The following THSD7B variants were observed in gnomAD, a reference collection of about 807,000 sequenced individuals.
The protein encoded by THSD7B is thrombospondin type 1 domain containing 7B.
A neutral mutation model predicts 213.6 loss-of-function variants in THSD7B; 138 were observed. That is an observed-to-expected ratio of 0.65 (90% CI 0.56 to 0.74). THSD7B has a LOEUF of 0.74. Ranked by LOEUF, THSD7B falls within the 30% of genes least tolerant of loss-of-function variation. The pLI is 0.00. For synonymous variants in THSD7B, 742 were observed against 687.0 expected, an observed-to-expected ratio of 1.08 and a Z score of -1.25; for missense variants, 1,931 against 1,991.5, an observed-to-expected ratio of 0.97 and a Z score of 0.58.
At chr2:136,949,291 G>GTTA (rs776435456) in intron 2 of THSD7B, among the ~76,000 whole-genome samples, 4 of 152,178 alleles carry the variant, frequency 2.6e-5, no homozygotes, top group South Asian at 2.1e-4. Context: ...AAAGCTTTAA[G>GTTA]AGCAACTGTG....
intron 2 of THSD7B, among the ~76,000 whole-genome samples, chr2:136,906,952 T>G (rs1684174317): frequency 7.6e-6 from 1 of 131,232 alleles, no homozygotes; most frequent in South Asian, 2.7e-4. Context: ...TTTTTTTTTT[T>G]TTTTTTTTTT....
chr2:137,117,513 A>C (rs1003009372), intron 5 of THSD7B, among the ~76,000 whole-genome samples: 1 of 152,266 alleles, frequency 6.6e-6, no homozygotes, highest in Non-Finnish European at 1.5e-5. Context: ...TGGAGGGAGA[A>C]AGCATTTTAG....
At chr2:137,454,973 A>G (rs1217596240) in intron 15 of THSD7B, among the ~76,000 whole-genome samples, 1 of 149,594 alleles carries the variant, frequency 6.7e-6, no homozygotes, top group African/African-American at 2.5e-5. Context: ...TGAGGAGGAT[A>G]CATTATGTGT....
intron 14 of THSD7B, among the ~76,000 whole-genome samples, chr2:137,440,702 C>T (rs1687390465): frequency 6.6e-6 from 1 of 151,978 alleles, no homozygotes; most frequent in Non-Finnish European, 1.5e-5. Flanking sequence ...ATTTTGCACT[C>T]CTGTCCTTAT....
chr2:137,581,660 T>G (rs2105246283), intron 17 of THSD7B, among the ~76,000 whole-genome samples: 1 of 150,040 alleles, frequency 6.7e-6, no homozygotes, highest in African/African-American at 2.4e-5. Context: ...CTTGGGAGGC[T>G]GAGGCAGGAG....
At chr2:137,023,317 G>A (rs549260274) in intron 2 of THSD7B, among the ~76,000 whole-genome samples, 1 of 152,244 alleles carries the variant, frequency 6.6e-6, no homozygotes, top group South Asian at 2.1e-4. Flanking sequence ...ATGAATGGCT[G>A]TCCAGTGGCA....
chr2:137,253,229 G>C (rs371221785), intron 10 of THSD7B, among the ~76,000 whole-genome samples: 12 of 152,076 alleles, frequency 7.9e-5, no homozygotes, highest in African/African-American at 2.9e-4. Context: ...GATAAACAGT[G>C]CTGTTTGGTT....
At chr2:137,498,089 T>C (rs4954518) in intron 15 of THSD7B, among the ~76,000 whole-genome samples, 2 of 152,000 alleles carry the variant, frequency 1.3e-5, no homozygotes, top group Non-Finnish European at 2.9e-5. Flanking sequence ...GAACTTTCCC[T>C]TATATAAAAT....
chr2:136,950,020 G>T (rs982159475), intron 2 of THSD7B, among the ~76,000 whole-genome samples: 1 of 152,318 alleles, frequency 6.6e-6, no homozygotes, highest in African/African-American at 2.4e-5. Flanking sequence ...TTGGGAGGCC[G>T]AGGTGAGCGG....
At chr2:136,970,396 G>T (rs1357350058) in intron 2 of THSD7B, among the ~76,000 whole-genome samples, 2 of 152,124 alleles carry the variant, frequency 1.3e-5, no homozygotes, top group African/African-American at 4.8e-5. Context: ...AACCTGGAAG[G>T]CAGAGGTTGT....
chr2:137,079,342 G>A (rs1184820398), intron 3 of THSD7B, among the ~76,000 whole-genome samples: 1 of 151,904 alleles, frequency 6.6e-6, no homozygotes, highest in Non-Finnish European at 1.5e-5. Flanking sequence ...ACTGTTATTA[G>A]TATGTTTCTT....
chr2:137,531,278 T>C (rs1680392553), intron 15 of THSD7B, among the ~76,000 whole-genome samples: 1 of 151,948 alleles, frequency 6.6e-6, no homozygotes, highest in Non-Finnish European at 1.5e-5. Context: ...GTGTGATGTT[T>C]TCTACAATTA....
At chr2:136,782,195 A>G (rs2104907168) in intron 1 of THSD7B, among the ~76,000 whole-genome samples, 1 of 152,288 alleles carries the variant, frequency 6.6e-6, no homozygotes, top group African/African-American at 2.4e-5. Flanking sequence ...GCGACGTGGT[A>G]GAAAGGGTTT....
Position 137,405,821 on chromosome 2 carries a change from T to C in THSD7B, c.2695+14T>C, listed in dbSNP as rs1551281. On this transcript the variant is annotated intron_variant, in intron 13 of 27. Transcript: ENST00000409968. ...GACAGCTCACAGGTATAGTGTGCAT[T>C]TTACTCTTTAGCATCAGGCAAGCTG... is the stretch of plus-strand genomic sequence containing the variant. 1,497,089 of 1,597,556 alleles carry C rather than the reference T, an allele frequency of 0.94. 703,980 individuals are homozygous for C. The highest frequency in any genetic ancestry group is 0.98 in the East Asian group (43,344 of 44,392).
chr2:137,303,462 A>G (rs1030561776), intron 12 of THSD7B, among the ~76,000 whole-genome samples: 4 of 151,490 alleles, frequency 2.6e-5, no homozygotes, highest in Non-Finnish European at 5.9e-5. Context: ...AAGTTGCTGA[A>G]TTTCAAATGC....
rs1023928227 is a variant in THSD7B at position 137,357,969 on chromosome 2, C to T, written c.2501-47644C>T. Among the ~76,000 whole-genome samples the T allele has an allele frequency of 2.0e-5, 3 of 152,190 alleles. 1 individual carries two copies. The highest frequency in any genetic ancestry group is 4.4e-5 in the Non-Finnish European group (3 of 68,040). ...GCATTTTAATATTACCACTTGTTCACATTTCAGAGCAAAACATTTCTCCAT... is the reference window on the plus strand; with the variant it reads ...GCATTTTAATATTACCACTTGTTCATATTTCAGAGCAAAACATTTCTCCAT... On this transcript the variant is annotated intron_variant, in intron 12 of 27. Coordinates refer to ENST00000409968, the MANE Select transcript of THSD7B (RefSeq NM_001316349.2).
chr2:137,369,767 T>C (rs1685503178), intron 12 of THSD7B, among the ~76,000 whole-genome samples: 1 of 152,206 alleles, frequency 6.6e-6, no homozygotes, highest in Admixed American at 6.5e-5. Context: ...CTCTGTGTCC[T>C]GTTCTAATTT....
In THSD7B at chr2:137,585,667, C is replaced by G. The variant is rs955391364; in HGVS notation, c.3423+13111C>G. On this transcript the variant is annotated intron_variant, in intron 17 of 27. Transcript: ENST00000409968. ...AGTGGTTTTGAGTGAGTTTCTTAAT[C>G]CTGAGTTCTAGTTTGATTGCACTGT... Among the ~76,000 whole-genome samples, 4 of 152,074 alleles carry G rather than the reference C, an allele frequency of 2.6e-5. No homozygotes were observed. The South Asian group carries it at 8.3e-4, about 32-fold the overall frequency.
At chr2:137,027,417 G>A (rs758063198) in intron 2 of THSD7B, among the ~76,000 whole-genome samples, 3 of 152,064 alleles carry the variant, frequency 2.0e-5, no homozygotes, top group South Asian at 2.1e-4. Context: ...AAAGAAGATC[G>A]AATTACATCC....
Sources: allele counts gnomAD v4.1 joint callset (sites outside exome capture counted in the v4.1 genomes callset), GRCh38; gene constraint gnomAD v4.1.1; transcripts MANE v1.5; gene names NCBI Gene and HGNC (gene_info 2026-07-23, HGNC 2026-07-21).